Variants in HIBCH observed in about 807,000 individuals in gnomAD.
The protein encoded by HIBCH is 3-hydroxyisobutyryl-CoA hydrolase, mitochondrial.
A neutral mutation model predicts 58.2 loss-of-function variants in HIBCH; 50 were observed. That is an observed-to-expected ratio of 0.86 (90% CI 0.68 to 1.09). HIBCH has a LOEUF of 1.09. Ranked by LOEUF, HIBCH falls within the 50% of genes least tolerant of loss-of-function variation. The pLI, the probability that HIBCH is intolerant of heterozygous loss-of-function variation, is 0.00. For synonymous variants in HIBCH, 151 were observed against 146.9 expected (o/e 1.03, Z -0.20); for missense variants, 450 against 449.7 (o/e 1.00, Z -0.01).
In HIBCH at chr2:190,209,585, G is replaced by C. The variant is rs1338327425; in HGVS notation, c.1012-672C>G. Among the ~76,000 whole-genome samples the C allele has an allele frequency of 6.6e-6, 1 of 152,170 alleles. No homozygotes were observed. The highest frequency in any genetic ancestry group is 1.5e-5 in the Non-Finnish European group (1 of 68,030). On this transcript the variant is annotated intron_variant, in intron 12 of 13. Coordinates refer to ENST00000359678, the MANE Select transcript of HIBCH (RefSeq NM_014362.4). The surrounding 1 kb of genome is among the most constrained non-coding windows in gnomAD (Gnocchi z 5.6). Reference sequence around the variant, plus strand: ...AATACGAGAAGCTCTTAGATATGAAGTCTTGTCTTCTCACCACTAAAACAC... The same window carrying C: ...AATACGAGAAGCTCTTAGATATGAACTCTTGTCTTCTCACCACTAAAACAC...
chr2:190,200,917 A>AACTT (rs373735519), downstream of HIBCH: 106 of 167,148 alleles, frequency 6.3e-4, no homozygotes, highest in Admixed American at 1.8e-3. Flanking sequence ...AAATAACAGA[A>AACTT]ACTTAGTCTG....
chr2:190,195,716 TCA>T (rs142247477), intron 1 of HIBCH, among the ~76,000 whole-genome samples: 3,551 of 152,328 alleles, frequency 0.023, 127 homozygotes, highest in African/African-American at 0.08. Context: ...GCTTGTCTTC[TCA>T]TTTTCTTGAC....
exon 2 of HIBCH, chr2:190,189,809 G>GACA: frequency 6.6e-6 from 1 of 152,304 alleles, no homozygotes; most frequent in African/African-American, 2.4e-5. Context: ...CAAAGGAAGT[G>GACA]ACAGATAAAG....
rs573053360 is a variant in HIBCH at position 190,262,231 on chromosome 2, G to A, written c.439-997C>T. Among the ~76,000 whole-genome samples, 20 of 149,762 alleles carry A rather than the reference G, an allele frequency of 1.3e-4. No homozygotes were observed. In the South Asian group the frequency reaches 4.0e-3, roughly 30 times the overall value. On this transcript the variant is annotated intron_variant, in intron 6 of 13. Transcript: ENST00000359678. ...AGAATGCTGCAGTCTGTACAAGACAGAAAACAAAACAAACACATAAAAAGA... is the reference window on the plus strand; with the variant it reads ...AGAATGCTGCAGTCTGTACAAGACAAAAAACAAAACAAACACATAAAAAGA...
chr2:190,274,703 C>T (rs1687499908), intron 6 of HIBCH, among the ~76,000 whole-genome samples: 1 of 152,158 alleles, frequency 6.6e-6, no homozygotes, highest in South Asian at 2.1e-4. Context: ...AATAAAAACT[C>T]TCCAAGAGGG....
At chr2:190,273,558 T>C (rs1304441769) in intron 6 of HIBCH, among the ~76,000 whole-genome samples, 4 of 152,114 alleles carry the variant, frequency 2.6e-5, no homozygotes, top group African/African-American at 9.7e-5. Flanking sequence ...ATAATCAATA[T>C]AGATAAAAAC....
intron 11 of HIBCH, among the ~76,000 whole-genome samples, chr2:190,221,935 T>C (rs535913670): frequency 1.3e-5 from 2 of 152,288 alleles, no homozygotes; most frequent in South Asian, 4.1e-4. Context: ...TAAAATCTCC[T>C]GCATTTAACA....
chr2:190,221,694 C>A (rs778748617), intron 11 of HIBCH, among the ~76,000 whole-genome samples: 1 of 152,168 alleles, frequency 6.6e-6, no homozygotes, highest in African/African-American at 2.4e-5. Flanking sequence ...GCCCCACCCC[C>A]CATCCAGTGC....
rs1361735703 is a variant in HIBCH at position 190,306,050 on chromosome 2, A to G, written c.78+4704T>C. On this transcript the variant is annotated intron_variant, in intron 2 of 13. Transcript: ENST00000359678. This position sits in a 1 kb window ranked among gnomAD's most constrained non-coding sequence, Gnocchi z 4.6. ...CCCACTGTTAATTCAGCAACTTGCC[A>G]TGGTCATCTTCCCATGTCACTACTA... Among the ~76,000 whole-genome samples, 1 of 152,166 alleles carries G rather than the reference A, an allele frequency of 6.6e-6. No individual in the cohort carries two copies. The highest frequency in any genetic ancestry group is 2.4e-5 in the African/African-American group (1 of 41,452).
intron 6 of HIBCH, among the ~76,000 whole-genome samples, chr2:190,285,753 C>T (rs576531006): frequency 6.6e-6 from 1 of 152,266 alleles, no homozygotes; most frequent in African/African-American, 2.4e-5. Context: ...AAACTACGGC[C>T]ACTTGGAGGC....
rs528013025 is a variant in HIBCH, at chr2:190,240,705, A to C, written c.891+4182T>G. On this transcript the variant is annotated intron_variant, in intron 11 of 13. Transcript: ENST00000359678. ...TGTGTCTTTGTTCTCATTGGTTTCAAATAACTTATTTCTGCCTTAATTTCA... is the reference window on the plus strand; with the variant it reads ...TGTGTCTTTGTTCTCATTGGTTTCACATAACTTATTTCTGCCTTAATTTCA... Among the ~76,000 whole-genome samples, 64 of 152,238 alleles carry C rather than the reference A, an allele frequency of 4.2e-4. 1 individual carries two copies. In the South Asian group the frequency reaches 0.013, roughly 31 times the overall value.
chr2:190,255,979 G>A (rs967620848), intron 7 of HIBCH, among the ~76,000 whole-genome samples: 2 of 152,104 alleles, frequency 1.3e-5, no homozygotes, highest in Non-Finnish European at 2.9e-5. Context: ...GGAAACTTAC[G>A]ATCATGGCAG....
chr2:190,279,869 A>G lies in HIBCH; in HGVS notation c.438+7717T>C. ...TCCTCTGCCTTTGCCTCTTTTAGAA[A>G]GTTCTAAGTTGCTATCCAATTGGGA... On this transcript the variant is annotated intron_variant, in intron 6 of 13. Transcript: ENST00000359678. The surrounding 1 kb of genome is among the most constrained non-coding windows in gnomAD (Gnocchi z 4.2). 5.4e-6 allele frequency: 1 copy of G among 185,924 alleles called. No individual in the cohort carries two copies. Among genetic ancestry groups the G allele is most frequent in the South Asian group, 1.2e-4 (1 of 8,346 alleles). 11.5% of individuals were successfully genotyped at this position (185,924 alleles called of 1,614,324 possible).
chr2:190,224,216 G>A (rs538573287), intron 11 of HIBCH, among the ~76,000 whole-genome samples: 10 of 152,324 alleles, frequency 6.6e-5, no homozygotes, highest in African/African-American at 2.2e-4. Flanking sequence ...AAGGGGCGTC[G>A]GCCATTGCTG....
chr2:190,258,584 T>C (rs547990248), intron 7 of HIBCH, among the ~76,000 whole-genome samples: 2 of 152,342 alleles, frequency 1.3e-5, no homozygotes, highest in South Asian at 4.1e-4. Flanking sequence ...CTTGCATCAG[T>C]GTAGCCTGGA....
chr2:190,224,128 G>A (rs1057238910), intron 11 of HIBCH, among the ~76,000 whole-genome samples: 2 of 152,174 alleles, frequency 1.3e-5, no homozygotes, highest in Non-Finnish European at 2.9e-5. Flanking sequence ...GGCTCAGAGG[G>A]TCCCATGCCC....
intron 1 of HIBCH, among the ~76,000 whole-genome samples, chr2:190,314,261 C>A (rs1688632748): frequency 8.6e-6 from 1 of 116,318 alleles, no homozygotes; most frequent in African/African-American, 3.2e-5. Context: ...AATCTGTGGA[C>A]CAGTTACTAC....
intron 6 of HIBCH, among the ~76,000 whole-genome samples, chr2:190,264,327 G>T (rs1370255213): frequency 8.0e-5 from 12 of 149,750 alleles, no homozygotes; most frequent in African/African-American, 3.0e-4. Flanking sequence ...CCACTTAAAG[G>T]TACACAAACA....
At position 190,232,774 on chromosome 2, in the gene HIBCH, T is replaced by A. The variant is rs143461303; in HGVS notation, c.891+12113A>T. ...GAGATCGAGACCACCCTGGCTAACATGGTGAAAACCCATCTCTACTAAAAG... is the reference window on the plus strand; with the variant it reads ...GAGATCGAGACCACCCTGGCTAACAAGGTGAAAACCCATCTCTACTAAAAG... On this transcript the variant is annotated intron_variant, in intron 11 of 13. Coordinates refer to ENST00000359678, the MANE Select transcript of HIBCH (RefSeq NM_014362.4). Among the ~76,000 whole-genome samples, 1,017 of 152,144 alleles carry A rather than the reference T, an allele frequency of 6.7e-3. 12 individuals carry two copies. Among genetic ancestry groups the A allele is most frequent in the African/African-American group, 0.022 (923 of 41,494 alleles).
Sources: gnomAD v4.1 joint callset for allele counts (sites outside exome capture counted in the v4.1 genomes callset) on GRCh38, gnomAD v4.1.1 for gene constraint, Gnocchi (gnomAD v3.1) non-coding constraint, MANE v1.5 for transcripts, NCBI Gene and HGNC (gene_info 2026-07-23, HGNC 2026-07-21) for gene names.